SNAP91: variants seen among roughly 807,000 people sequenced by gnomAD.
The protein encoded by SNAP91 is synaptosome associated protein 91, also known as clathrin coat assembly protein AP180.
SNAP91 carries 27 observed loss-of-function variants against 100.3 expected under a neutral mutation model. The observed-to-expected ratio is 0.27, with a 90% CI of 0.20 to 0.37. The LOEUF (loss-of-function observed/expected upper bound fraction) is 0.37, where lower values mean the gene tolerates loss of function less well. SNAP91 is among the 10% of genes least tolerant of loss of function. The pLI is 1.00. For synonymous variants in SNAP91, 404 were observed against 398.6 expected (o/e 1.01, Z -0.16); for missense variants, 986 against 1,123.7 (o/e 0.88, Z 1.75).
chr6:83,562,112 A>G (rs1351081425), intron 26 of SNAP91, among the ~76,000 whole-genome samples: 1 of 152,260 alleles, frequency 6.6e-6, no homozygotes, highest in East Asian at 1.9e-4. Flanking sequence ...TACCAAATGT[A>G]TAAAGAATTA....
chr6:83,617,184 T>C (rs1329698325), intron 9 of SNAP91, 145 bp from the exon 10 acceptor site: 18 of 518,392 alleles, frequency 3.5e-5, no homozygotes, highest in East Asian at 3.2e-4. Context: ...TCTTTTAGTA[T>C]TTAAATATTT....
chr6:83,621,289 A>T (rs2096717789), intron 9 of SNAP91, among the ~76,000 whole-genome samples: 1 of 152,134 alleles, frequency 6.6e-6, no homozygotes, highest in South Asian at 2.1e-4. Context: ...AAAGTACATG[A>T]TCTTTTCTTT....
chr6:83,648,610 T>A (rs1251919642), intron 7 of SNAP91, among the ~76,000 whole-genome samples: 1 of 152,208 alleles, frequency 6.6e-6, no homozygotes, highest in Non-Finnish European at 1.5e-5. Flanking sequence ...TTACTGTACA[T>A]CTTCACTAAT....
chr6:83,695,759 G>A (rs188854614), intron 2 of SNAP91, among the ~76,000 whole-genome samples: 3 of 152,170 alleles, frequency 2.0e-5, no homozygotes, highest in African/African-American at 4.8e-5. Flanking sequence ...ACTATCCTAC[G>A]AAATGATTAG....
chr6:83,656,639 C>A, intron 7 of SNAP91, 115 bp downstream of exon 7: 1 of 547,100 alleles, frequency 1.8e-6, no homozygotes, highest in Admixed American at 4.0e-5. Flanking sequence ...TACTCACTAT[C>A]ATGATATTCC....
At chr6:83,663,654 A>C (rs2098608381) in intron 3 of SNAP91, among the ~76,000 whole-genome samples, 1 of 152,144 alleles carries the variant, frequency 6.6e-6, no homozygotes, top group African/African-American at 2.4e-5. Flanking sequence ...ATGAGGTTTA[A>C]GGAAAGAAGC....
At chr6:83,590,002 G>T (rs1253781996) in intron 22 of SNAP91, among the ~76,000 whole-genome samples, 1 of 152,178 alleles carries the variant, frequency 6.6e-6, no homozygotes, top group African/African-American at 2.4e-5. Flanking sequence ...CACTAGCACG[G>T]TATTTAAGAT....
chr6:83,638,814 C>A (rs1370490628), intron 8 of SNAP91, among the ~76,000 whole-genome samples: 1 of 152,174 alleles, frequency 6.6e-6, no homozygotes, highest in African/African-American at 2.4e-5. Context: ...AATCTCATCA[C>A]TTTCTGTCTG....
chr6:83,657,897 G>A (rs1442197827), intron 6 of SNAP91, among the ~76,000 whole-genome samples: 18 of 147,380 alleles, frequency 1.2e-4, no homozygotes, highest in Non-Finnish European at 3.0e-5. Flanking sequence ...CTCCCAAGTA[G>A]CTAGGATTAC....
chr6:83,601,924 T>C (rs938115214), intron 14 of SNAP91, among the ~76,000 whole-genome samples: 2 of 152,206 alleles, frequency 1.3e-5, no homozygotes, highest in African/African-American at 4.8e-5. Flanking sequence ...GATCACATAA[T>C]ATTGATTAGC....
chr6:83,660,627 T>C (rs1306150968), intron 5 of SNAP91, among the ~76,000 whole-genome samples: 2 of 152,168 alleles, frequency 1.3e-5, no homozygotes, highest in African/African-American at 4.8e-5. Flanking sequence ...TTCAATGAGG[T>C]TTTCTTAATT....
intron 2 of SNAP91, among the ~76,000 whole-genome samples, chr6:83,676,125 A>AG (rs1192018921): frequency 6.7e-6 from 1 of 149,038 alleles, no homozygotes; most frequent in Admixed American, 6.7e-5. Context: ...AAAAAAAAAA[A>AG]GAATGTGACA....
intron 2 of SNAP91, among the ~76,000 whole-genome samples, chr6:83,685,468 G>T (rs539847484): frequency 6.6e-6 from 1 of 152,174 alleles, no homozygotes. Context: ...GAAAACATAA[G>T]AATAATCACT....
At chr6:83,681,497 A>C in intron 2 of SNAP91, among the ~76,000 whole-genome samples, 1 of 152,222 alleles carries the variant, frequency 6.6e-6, no homozygotes, top group East Asian at 1.9e-4. Context: ...GATAAAGACC[A>C]ATGGTACATA....
intron 11 of SNAP91, among the ~76,000 whole-genome samples, chr6:83,613,015 AT>A (rs1211747883): frequency 6.6e-6 from 1 of 152,212 alleles, no homozygotes; most frequent in African/African-American, 2.4e-5. Flanking sequence ...TATAATAAAA[AT>A]GATAGAATTG....
intron 10 of SNAP91, 99 bp from the exon 11 acceptor site, chr6:83,614,961 C>A: frequency 2.0e-6 from 2 of 981,942 alleles, no homozygotes; most frequent in South Asian, 3.3e-5. Flanking sequence ...AAGACAAGTT[C>A]AAATGTGGTT....
In SNAP91 at chr6:83,654,473, C is replaced by G. The variant is rs568504553; in HGVS notation, c.658+2281G>C. Reference sequence around the variant, plus strand: ...CCCAGACTTTTCAAGGACACTGACTCTAAGCTCATTCTACTCCTTGGGGAC... The same window carrying G: ...CCCAGACTTTTCAAGGACACTGACTGTAAGCTCATTCTACTCCTTGGGGAC... On this transcript the variant is annotated intron_variant, in intron 7 of 29. Coordinates refer to ENST00000369694, the MANE Select transcript of SNAP91 (RefSeq NM_001242792.2). Among the ~76,000 whole-genome samples, 5 of 152,272 alleles carry G rather than the reference C, an allele frequency of 3.3e-5. No individual in the cohort carries two copies. In the South Asian group the frequency reaches 8.3e-4, roughly 25 times the overall value.
intron 2 of SNAP91, among the ~76,000 whole-genome samples, chr6:83,694,939 T>C (rs1198678433): frequency 6.6e-6 from 1 of 151,996 alleles, no homozygotes; most frequent in Non-Finnish European, 1.5e-5. Flanking sequence ...TTGACATATA[T>C]TCTTCCAAAA....
intron 7 of SNAP91, among the ~76,000 whole-genome samples, chr6:83,650,484 T>G (rs760571131): frequency 6.6e-6 from 1 of 152,186 alleles, no homozygotes; most frequent in Non-Finnish European, 1.5e-5. Context: ...AGTGGCACAA[T>G]CTCAGCTCAC....
Sources: gnomAD v4.1 joint callset for allele counts (sites outside exome capture counted in the v4.1 genomes callset) on GRCh38, gnomAD v4.1.1 for gene constraint, MANE v1.5 for transcripts, NCBI Gene and HGNC (gene_info 2026-07-23, HGNC 2026-07-21) for gene names.